Variants in KCNMA1 observed in about 807,000 individuals in gnomAD.
The protein encoded by KCNMA1 is potassium calcium-activated channel subfamily M alpha 1.
In KCNMA1, 29 loss-of-function variants were observed where a neutral mutation model predicts 140.0. The ratio of observed to expected loss-of-function variants is 0.21; its 90% CI spans 0.15 to 0.28. The LOEUF is 0.28. Among genes scored for constraint, KCNMA1 ranks in the 10% least tolerant of loss-of-function variants. KCNMA1 has a pLI of 1.00. For missense variants in KCNMA1, 880 were observed against 1,602.2 expected (o/e 0.55, Z 7.70); for synonymous variants, 612 against 611.9 (o/e 1.00, Z 0.00).
chr10:77,471,044 A>G (rs2098136563), intron 1 of KCNMA1, among the ~76,000 whole-genome samples: 1 of 151,914 alleles, frequency 6.6e-6, no homozygotes, highest in African/African-American at 2.4e-5. Flanking sequence ...CACACTGCAC[A>G]CCACATACAT....
intron 2 of KCNMA1, among the ~76,000 whole-genome samples, chr10:77,305,136 A>T (rs1213107834): frequency 1.3e-5 from 2 of 152,182 alleles, no homozygotes; most frequent in African/African-American, 4.8e-5. Flanking sequence ...CAAACATTTT[A>T]TTTCACCAAT....
intron 13 of KCNMA1, 108 bp downstream of exon 13, chr10:77,079,373 T>A: frequency 1.5e-6 from 1 of 674,754 alleles, no homozygotes; most frequent in East Asian, 3.2e-5. Flanking sequence ...TGTGAGAGTG[T>A]GTGTGTGTGT....
chr10:77,595,346 CAAAAAAA>C (rs138290466), intron 1 of KCNMA1, among the ~76,000 whole-genome samples: 1 of 58,214 alleles, frequency 1.7e-5, no homozygotes, highest in African/African-American at 6.9e-5. Context: ...GACTCTGTCT[CAAAAAAA>C]AAAAAAAAAA....
intron 19 of KCNMA1, among the ~76,000 whole-genome samples, chr10:76,984,174 C>T (rs34930671): frequency 0.19 from 28,382 of 150,472 alleles, 2,677 homozygotes; most frequent in South Asian, 0.22. Flanking sequence ...GATTCTAAAG[C>T]AACTCTTTTA....
chr10:76,925,393 T>C (rs979387874), intron 23 of KCNMA1, among the ~76,000 whole-genome samples: 1 of 152,192 alleles, frequency 6.6e-6, no homozygotes, highest in East Asian at 1.9e-4. Context: ...ATGGATCACA[T>C]TTCCAGTAAA....
chr10:77,190,711 G>A (rs2098932002), intron 3 of KCNMA1, among the ~76,000 whole-genome samples: 1 of 152,180 alleles, frequency 6.6e-6, no homozygotes, highest in African/African-American at 2.4e-5. Flanking sequence ...CTGCTCTGTA[G>A]AGACTGTCAT....
chr10:76,995,774 T>C (rs1017695322), intron 19 of KCNMA1: 1 of 442,978 alleles, frequency 2.3e-6, no homozygotes, highest in Non-Finnish European at 4.6e-6. Context: ...CTTCTGGGCT[T>C]ACATGAGGCA....
intron 14 of KCNMA1, among the ~76,000 whole-genome samples, chr10:77,050,760 A>C (rs976876023): frequency 6.6e-6 from 1 of 152,230 alleles, no homozygotes; most frequent in Non-Finnish European, 1.5e-5. Flanking sequence ...AGTATTCTCC[A>C]TGATGCCTTG....
At chr10:77,328,376 G>A (rs1216831304) in intron 2 of KCNMA1, among the ~76,000 whole-genome samples, 5 of 152,186 alleles carry the variant, frequency 3.3e-5, no homozygotes, top group Non-Finnish European at 4.4e-5. Flanking sequence ...AAGTCCCAAC[G>A]AGGCCACAGG....
chr10:77,185,006 G>A, intron 3 of KCNMA1, 90 bp from the exon 4 acceptor site: 1 of 816,336 alleles, frequency 1.2e-6, no homozygotes, highest in Non-Finnish European at 2.2e-6. Context: ...AGTGCTTAGG[G>A]TAGACGATGA....
chr10:77,115,011 T>C (rs1351345286), intron 6 of KCNMA1, among the ~76,000 whole-genome samples: 1 of 152,254 alleles, frequency 6.6e-6, no homozygotes, highest in Admixed American at 6.5e-5. Flanking sequence ...TTTACAGTTC[T>C]TTCCCAGTGC....
intron 2 of KCNMA1, among the ~76,000 whole-genome samples, chr10:77,389,876 C>T (rs2095752587): frequency 6.6e-6 from 1 of 152,200 alleles, no homozygotes; most frequent in Non-Finnish European, 1.5e-5. Flanking sequence ...GCCTTGTAAG[C>T]CAGGGACACA....
chr10:77,172,702 CAA>C (rs60848414), intron 5 of KCNMA1, among the ~76,000 whole-genome samples: 67 of 146,002 alleles, frequency 4.6e-4, no homozygotes, highest in South Asian at 6.6e-4. Context: ...CAAAAAAAAA[CAA>C]AAAAAAAAAA....
chr10:76,937,444 A>C (rs1171437955), intron 23 of KCNMA1, among the ~76,000 whole-genome samples: 2 of 152,232 alleles, frequency 1.3e-5, no homozygotes, highest in Non-Finnish European at 1.5e-5. Flanking sequence ...GTCACTGCTC[A>C]AAAGAAATGA....
At chr10:77,542,716 CT>C (rs1317111307) in intron 1 of KCNMA1, among the ~76,000 whole-genome samples, 1 of 152,128 alleles carries the variant, frequency 6.6e-6, no homozygotes. Flanking sequence ...AAACAAGGAA[CT>C]GGCACACACT....
chr10:77,265,857 G>A (rs903311244), intron 2 of KCNMA1, among the ~76,000 whole-genome samples: 1 of 152,158 alleles, frequency 6.6e-6, no homozygotes, highest in African/African-American at 2.4e-5. Flanking sequence ...GAGATGGGCA[G>A]TTCACTTGAG....
At position 77,081,768 on chromosome 10, in the gene KCNMA1, G is replaced by T. The variant is rs1254701370; in HGVS notation, c.1524-2218C>A. Among the ~76,000 whole-genome samples the T allele has an allele frequency of 2.0e-5, 3 of 152,094 alleles. No homozygotes were observed. In the South Asian group the frequency reaches 6.2e-4, roughly 32 times the overall value. ...TGTCAGCCCTGCCTTGCAGTTCACAGCTTCAGCCAGTTTTCTGCATTAGCT... is the reference window on the plus strand; with the variant it reads ...TGTCAGCCCTGCCTTGCAGTTCACATCTTCAGCCAGTTTTCTGCATTAGCT... On this transcript the variant is annotated intron_variant, in intron 12 of 27. Coordinates refer to ENST00000286628, the MANE Select transcript of KCNMA1 (RefSeq NM_001161352.2).
chr10:77,122,464 A>T (rs905054634), intron 5 of KCNMA1, among the ~76,000 whole-genome samples: 5 of 152,188 alleles, frequency 3.3e-5, no homozygotes, highest in African/African-American at 1.2e-4. Context: ...GAGCTGATGA[A>T]AGGCTGACTT....
chr10:77,124,271 C>T (rs571481311), intron 5 of KCNMA1, among the ~76,000 whole-genome samples: 40 of 152,250 alleles, frequency 2.6e-4, no homozygotes, highest in South Asian at 2.1e-4. Context: ...GTGTTTGTAT[C>T]GTATATCCAT....
Sources: allele counts gnomAD v4.1 joint callset (sites outside exome capture counted in the v4.1 genomes callset), GRCh38; gene constraint gnomAD v4.1.1; transcripts MANE v1.5; gene names NCBI Gene and HGNC (gene_info 2026-07-23, HGNC 2026-07-21).